Variants in ELFN2 observed in about 807,000 individuals in gnomAD.
ELFN2 encodes the protein protein phosphatase 1 regulatory subunit 29.
In ELFN2, 17 loss-of-function variants were observed where a neutral mutation model predicts 45.5. That is an observed-to-expected ratio of 0.37 (90% CI 0.26 to 0.56). The LOEUF is 0.56. Among genes scored for constraint, ELFN2 ranks in the 20% least tolerant of loss-of-function variants. The pLI is 0.77. For synonymous variants in ELFN2, 550 were observed against 551.5 expected (o/e 1.00, Z 0.04); for missense variants, 922 against 1,183.2 (o/e 0.78, Z 3.24).
At position 37,375,736 on chromosome 22, in the gene ELFN2, A is replaced by C. The variant is rs564249892; in HGVS notation, c.-202T>G. The C allele has an allele frequency of 1.2e-3, 750 of 648,378 alleles. 2 individuals are homozygous for C. Among genetic ancestry groups the C allele is most frequent in the Non-Finnish European group, 1.7e-3 (639 of 380,064 alleles). The allele number at this position is 648,378 out of a possible 1,614,324, so 40.2% of individuals were successfully genotyped here. A position where few individuals can be genotyped will look rare whatever the true frequency, so the allele number is the denominator to read the frequency against. ...GCTACAGCAGGCACTAGGCCTGGCT[A>C]GGGCTGGGGGTGGGGGCCCCACAGC... On this transcript the variant is annotated 5_prime_UTR_variant, in exon 3 of 3. Coordinates refer to ENST00000402918, the MANE Select transcript of ELFN2 (RefSeq NM_052906.5).
In ELFN2 at chr22:37,373,735, G is replaced by C. The variant is rs1171975006; in HGVS notation, c.1800C>G (p.Ser600Arg). The C allele has an allele frequency of 9.0e-6, 14 of 1,561,678 alleles. No individual in the cohort carries two copies. Among genetic ancestry groups the C allele is most frequent in the Non-Finnish European group, 1.2e-5 (14 of 1,161,494 alleles). Residue 600 changes from serine (S) to arginine (R), a missense_variant, in exon 3 of 3, where the codon AGC becomes AGG. Physicochemically the swap from Ser to Arg is moderately radical, Grantham distance 110. This residue lies in a region of ELFN2 where 564 missense variants were observed against 642.8 expected (regional missense o/e 0.88). Coordinates refer to ENST00000402918, the MANE Select transcript of ELFN2 (RefSeq NM_052906.5). ...ATGPGALERP[S>R]FLSPPYKESS... is the part of the protein sequence containing the mutation. ...TCTCCTTGTAGGGAGGCGAAAGGAA[G>C]CTGGGCCGCTCCAGGGCCCCGGGGC...
At position 37,422,948 on chromosome 22, in the gene ELFN2, G is replaced by GA. The variant is rs1008726885; in HGVS notation, c.-614+4349_-614+4350insT. Among the ~76,000 whole-genome samples, 358 of 133,422 alleles carry GA rather than the reference G, an allele frequency of 2.7e-3. 14 individuals carry two copies. The highest frequency in any genetic ancestry group is 0.011 in the African/African-American group (337 of 29,340). 87.5% of individuals were successfully genotyped at this position (133,422 alleles called of 152,430 possible). A position where few individuals can be genotyped will look rare whatever the true frequency, so the allele number is the denominator to read the frequency against. On this transcript the variant is annotated intron_variant, in intron 1 of 2. Transcript: ENST00000402918. ...ATATTGAGGAAACTGGGCCTCGGGG[G>GA]GGGGGGGGGAAGTGACTTGCCCAGG... is the stretch of plus-strand genomic sequence containing the variant.
At chr22:37,426,329 C>T (rs756681918) in intron 1 of ELFN2, among the ~76,000 whole-genome samples, 13 of 150,686 alleles carry the variant, frequency 8.6e-5, no homozygotes, top group African/African-American at 1.2e-4. Context: ...ACAAGCTCCC[C>T]GAGTGTGCAT....
downstream of ELFN2, among the ~76,000 whole-genome samples, chr22:37,366,213 A>G (rs1931203191): frequency 6.6e-6 from 1 of 152,244 alleles, no homozygotes; most frequent in South Asian, 2.1e-4. Flanking sequence ...ATGCATGTTA[A>G]ATGTGCTCTG....
chr22:37,422,445 G>A (rs561331749), intron 1 of ELFN2, among the ~76,000 whole-genome samples: 172 of 152,020 alleles, frequency 1.1e-3, no homozygotes, highest in Middle Eastern at 3.4e-3. Flanking sequence ...AGTGGCTCAC[G>A]CCTGCAATCC....
intron 2 of ELFN2, among the ~76,000 whole-genome samples, chr22:37,379,430 G>T (rs1931685961): frequency 6.6e-6 from 1 of 152,190 alleles, no homozygotes; most frequent in African/African-American, 2.4e-5. Flanking sequence ...CAGGCATTGG[G>T]GGGTGGCATG....
intron 2 of ELFN2, among the ~76,000 whole-genome samples, chr22:37,380,950 T>C (rs556192370): frequency 5.3e-5 from 8 of 152,272 alleles, no homozygotes; most frequent in Non-Finnish European, 1.2e-4. Context: ...ACCTTCACCA[T>C]GGAACTACCG....
At chr22:37,354,820 C>G (rs1467824221) in intron 1 of ELFN2, 2 of 149,802 alleles carry the variant, frequency 1.3e-5, no homozygotes, top group African/African-American at 4.9e-5. Context: ...TGCCTTCCCA[C>G]CAGATGCTGG....
chr22:37,407,110 C>T (rs1932522151), intron 2 of ELFN2, among the ~76,000 whole-genome samples: 2 of 152,144 alleles, frequency 1.3e-5, no homozygotes, highest in African/African-American at 4.8e-5. Context: ...TGGGTGTGTG[C>T]ATTTGTGTGT....
chr22:37,355,772 T>G (rs4821640), intron 1 of ELFN2, among the ~76,000 whole-genome samples: 55,371 of 151,802 alleles, frequency 0.36, 10,301 homozygotes, highest in Middle Eastern at 0.45. Context: ...GCAAGAGAGG[T>G]TGCCTTTGTG....
At chr22:37,362,955 C>A (rs1403993130) in intron 1 of ELFN2, among the ~76,000 whole-genome samples, 1 of 152,206 alleles carries the variant, frequency 6.6e-6, no homozygotes, top group East Asian at 1.9e-4. Flanking sequence ...GAGTCCACAG[C>A]CCATTGCCAG....
chr22:37,366,478 C>T (rs866180586), downstream of ELFN2, among the ~76,000 whole-genome samples: 12 of 152,208 alleles, frequency 7.9e-5, no homozygotes, highest in Non-Finnish European at 1.3e-4. Flanking sequence ...TTGATCACCT[C>T]TTAAGTTTCC....
chr22:37,390,288 T>G (rs1352506632), intron 2 of ELFN2, among the ~76,000 whole-genome samples: 1 of 152,114 alleles, frequency 6.6e-6, no homozygotes, highest in African/African-American at 2.4e-5. Context: ...ATTCTACAGA[T>G]GAGGAGACTG....
chr22:37,385,054 T>C (rs1931910868), intron 2 of ELFN2: 1 of 152,292 alleles, frequency 6.6e-6, no homozygotes, highest in African/African-American at 2.4e-5. Context: ...TGCCCTCCAG[T>C]ACCCTCAGGG....
In ELFN2 at chr22:37,374,983, G is replaced by A; in HGVS notation, c.552C>T (p.Gly184=). 1 of 1,613,292 alleles carries A rather than the reference G, an allele frequency of 6.2e-7. No homozygotes were observed. The highest frequency in any genetic ancestry group is 2.2e-5 in the East Asian group (1 of 44,872). ...GGTCGCACTCACAGTTGAAGGGGTT[G>A]CCGGCCAGCTCACACACCATCAGGC... ...LASLMVCELA[G]NPFNCECDLF... Residue 184 remains glycine (G), a synonymous_variant, in exon 3 of 3, where the codon GGC becomes GGT. Transcript: ENST00000402918.
In ELFN2 at chr22:37,371,071, A is replaced by T. The variant is rs1054640414; in HGVS notation, c.*2001T>A. 6.6e-6 allele frequency: 1 copy of T among 152,334 alleles called. No individual in the cohort carries two copies. Among genetic ancestry groups the T allele is most frequent in the Non-Finnish European group, 1.5e-5 (1 of 68,034 alleles). The allele number at this position is 152,334 out of a possible 1,614,324, so 9.4% of individuals were successfully genotyped here. A position where few individuals can be genotyped will look rare whatever the true frequency, so the allele number is the denominator to read the frequency against. ...CCAGGAGAACAGTCTTTTCTTTGCAAATGTCACCCTCAAAGTGAGCCCTGG... is the reference window on the plus strand; with the variant it reads ...CCAGGAGAACAGTCTTTTCTTTGCATATGTCACCCTCAAAGTGAGCCCTGG... On this transcript the variant is annotated 3_prime_UTR_variant, in exon 3 of 3. Transcript: ENST00000402918. The surrounding 1 kb of genome is among the most constrained non-coding windows in gnomAD (Gnocchi z 6.4).
chr22:37,373,779 C>T lies in ELFN2; in HGVS notation c.1756G>A (p.Ala586Thr). 2 of 1,591,896 alleles carry T rather than the reference C, an allele frequency of 1.3e-6. No individual in the cohort carries two copies. The highest frequency in any genetic ancestry group is 1.7e-6 in the Non-Finnish European group (2 of 1,173,298). ...CCGGGGCCAGTGGCTGAGGAGGCGG[C>T]AGCAGCTGCAGGGAGGGACTGGCAC... ...FECQSLPAAA[A>T]ASSATGPGAL... is the part of the protein sequence containing the mutation. The change falls in exon 3 of 3, where the codon GCC becomes ACC. Residue 586 changes from alanine (A) to threonine (T), a missense_variant. This residue lies in a region of ELFN2 where 564 missense variants were observed against 642.8 expected (regional missense o/e 0.88). Coordinates refer to ENST00000402918, the MANE Select transcript of ELFN2 (RefSeq NM_052906.5).
At chr22:37,388,411 C>G (rs897904865) in intron 2 of ELFN2, among the ~76,000 whole-genome samples, 1 of 152,192 alleles carries the variant, frequency 6.6e-6, no homozygotes, top group Non-Finnish European at 1.5e-5. Context: ...CCTGCTTCTC[C>G]TAGTAGGTGC....
chr22:37,423,039 T>G (rs1932821878), intron 1 of ELFN2, among the ~76,000 whole-genome samples: 1 of 147,748 alleles, frequency 6.8e-6, no homozygotes, highest in Non-Finnish European at 1.5e-5. Flanking sequence ...ACAAGCAAGA[T>G]GGCCAGGTGG....
Sources: allele counts gnomAD v4.1 joint callset (sites outside exome capture counted in the v4.1 genomes callset), GRCh38; gene constraint gnomAD v4.1.1; regional missense constraint gnomAD v4.1.1; non-coding constraint Gnocchi (gnomAD v3.1); transcripts MANE v1.5; gene names NCBI Gene and HGNC (gene_info 2026-07-23, HGNC 2026-07-21).